GATB: variants seen among roughly 807,000 people sequenced by gnomAD.
GATB encodes the protein glutamyl-tRNA(Gln) amidotransferase subunit B, mitochondrial.
GATB carries 39 observed loss-of-function variants against 62.3 expected under a neutral mutation model. The ratio of observed to expected loss-of-function variants is 0.63; its 90% CI spans 0.48 to 0.82. GATB has a LOEUF of 0.82. GATB is among the 40% of genes least tolerant of loss of function. The probability of loss-of-function intolerance (pLI) is 0.00; values close to 1 mark genes in which losing one functional copy is unlikely to be tolerated. For synonymous variants in GATB, 276 were observed against 258.9 expected, an observed-to-expected ratio of 1.07 and a Z score of -0.63; for missense variants, 670 against 684.0, an observed-to-expected ratio of 0.98 and a Z score of 0.23.
chr4:151,752,396 C>A (rs540501602), intron 2 of GATB, among the ~76,000 whole-genome samples: 6 of 152,248 alleles, frequency 3.9e-5, no homozygotes, highest in African/African-American at 1.4e-4. Flanking sequence ...TTCCTTGACT[C>A]TGTTTTCTAT....
At chr4:151,698,658 TAAA>T (rs1362558686) in intron 9 of GATB, among the ~76,000 whole-genome samples, 14 of 152,334 alleles carry the variant, frequency 9.2e-5, no homozygotes, top group African/African-American at 3.4e-4. Flanking sequence ...TACAAAGTCA[TAAA>T]GGGCTCAGGC....
chr4:151,678,445 C>T (rs1057035343), intron 11 of GATB, among the ~76,000 whole-genome samples: 1 of 152,084 alleles, frequency 6.6e-6, no homozygotes, highest in Admixed American at 6.5e-5. Context: ...TCTTCTCTCT[C>T]TCTCTCTCTC....
chr4:151,758,315 A>G (rs1035316486), intron 2 of GATB, among the ~76,000 whole-genome samples: 1 of 152,150 alleles, frequency 6.6e-6, no homozygotes. Flanking sequence ...TCCTTAACCT[A>G]AAGTACCCCT....
chr4:151,673,014 C>T, intron 11 of GATB, 118 bp from the exon 12 acceptor site: 3 of 1,293,118 alleles, frequency 2.3e-6, no homozygotes, highest in Non-Finnish European at 3.2e-6. Context: ...AATTAAGTCC[C>T]CACTGCCTGG....
At chr4:151,759,241 C>T (rs1006220082) in intron 1 of GATB, among the ~76,000 whole-genome samples, 1 of 152,180 alleles carries the variant, frequency 6.6e-6, no homozygotes, top group Non-Finnish European at 1.5e-5. Flanking sequence ...CAGGTGACAA[C>T]TGCTTGGCTG....
chr4:151,758,111 CA>C (rs1739873814), intron 2 of GATB, among the ~76,000 whole-genome samples: 1 of 152,276 alleles, frequency 6.6e-6, no homozygotes, highest in Non-Finnish European at 1.5e-5. Context: ...TAACTCACTG[CA>C]TATTATGGCT....
At chr4:151,722,385 T>C (rs1254074195) in intron 2 of GATB, 2 of 573,978 alleles carry the variant, frequency 3.5e-6, no homozygotes, top group Non-Finnish European at 3.1e-6. Context: ...CTGCTAAAAT[T>C]GTGGATCTGT....
At chr4:151,685,385 A>G (rs1307504322) in intron 10 of GATB, among the ~76,000 whole-genome samples, 2 of 152,198 alleles carry the variant, frequency 1.3e-5, no homozygotes, top group Non-Finnish European at 2.9e-5. Context: ...CATCCCCCAC[A>G]CACTGCAGAG....
intron 10 of GATB, among the ~76,000 whole-genome samples, chr4:151,686,172 G>A (rs1261908076): frequency 1.3e-5 from 2 of 152,104 alleles, no homozygotes; most frequent in South Asian, 2.1e-4. Context: ...GGCTCACACC[G>A]AGGCCCACAA....
At chr4:151,748,931 G>A (rs937564210) in intron 2 of GATB, among the ~76,000 whole-genome samples, 38 of 152,344 alleles carry the variant, frequency 2.5e-4, no homozygotes, top group African/African-American at 9.1e-4. Flanking sequence ...CTGGCCATCA[G>A]AGAAATGCAA....
intron 11 of GATB, chr4:151,674,109 T>G (rs1224888124): frequency 6.6e-6 from 1 of 152,260 alleles, no homozygotes; most frequent in African/African-American, 2.4e-5. Flanking sequence ...TGGCAGGTCC[T>G]GGGTAAGCTC....
At position 151,670,994 on chromosome 4, in the gene GATB, C is replaced by CGGA. The variant is rs1560837236; in HGVS notation, c.*179_*180insTCC. The CGGA allele has an allele frequency of 1.4e-6, 1 of 701,984 alleles. No individual in the cohort carries two copies. Among genetic ancestry groups the CGGA allele is most frequent in the Admixed American group, 2.8e-5 (1 of 36,248 alleles). 43.5% of individuals were successfully genotyped at this position (701,984 alleles called of 1,614,324 possible). ...TGGCTGCTGGTCGGCTGTGGAGGCA[C>CGGA]CTCCAGGCACAGGGCCTAGAGGGTG... On this transcript the variant is annotated 3_prime_UTR_variant, in exon 13 of 13. Transcript: ENST00000263985.
intron 12 of GATB, among the ~76,000 whole-genome samples, chr4:151,672,101 G>A (rs1737881856): frequency 6.6e-6 from 1 of 152,114 alleles, no homozygotes; most frequent in Non-Finnish European, 1.5e-5. Context: ...CTGATGGGTG[G>A]GTGGGTATTA....
At chr4:151,687,839 G>A (rs772808722) in intron 10 of GATB, among the ~76,000 whole-genome samples, 6 of 152,170 alleles carry the variant, frequency 3.9e-5, no homozygotes, top group East Asian at 1.9e-4. Flanking sequence ...GCTGGCACCC[G>A]GATCCTGGAC....
intron 2 of GATB, among the ~76,000 whole-genome samples, chr4:151,728,955 C>T (rs954844003): frequency 1.3e-5 from 2 of 152,116 alleles, no homozygotes; most frequent in Non-Finnish European, 2.9e-5. Flanking sequence ...CCTAGAGATA[C>T]GTGCCATTTT....
intron 5 of GATB, among the ~76,000 whole-genome samples, chr4:151,711,874 G>A (rs1239077220): frequency 6.6e-6 from 1 of 152,166 alleles, no homozygotes; most frequent in African/African-American, 2.4e-5. Flanking sequence ...ACTGGTTTCT[G>A]TCTCACACTA....
At position 151,716,091 on chromosome 4, in the gene GATB, G is replaced by A; in HGVS notation, c.681C>T (p.Ser227=). 1.2e-6 allele frequency: 2 copies of A among 1,613,832 alleles called. No individual in the cohort carries two copies. Among genetic ancestry groups the A allele is most frequent in the Non-Finnish European group, 1.7e-6 (2 of 1,179,936 alleles). The part of the protein sequence containing the change: ...LLEVVLEPDM[S]CGEEAATAVR... ...CAGCTGTTGCCGCCTCTTCTCCACA[G>A]GACATGTCGGGCTCCAGGACCACCT... The change falls in exon 5 of 13, where the codon TCC becomes TCT. Residue 227 remains serine (S), a synonymous_variant. Transcript: ENST00000263985.
At chr4:151,744,144 G>A (rs1186407278) in intron 2 of GATB, among the ~76,000 whole-genome samples, 1 of 152,182 alleles carries the variant, frequency 6.6e-6, no homozygotes, top group African/African-American at 2.4e-5. Context: ...TCAAGAAAAG[G>A]TTGTCTTATG....
intron 10 of GATB, among the ~76,000 whole-genome samples, chr4:151,687,672 C>G (rs1230045324): frequency 1.3e-5 from 2 of 152,134 alleles, no homozygotes; most frequent in African/African-American, 4.8e-5. Flanking sequence ...TAGAAGAGGT[C>G]ACGAGGGTGT....
Sources: allele counts gnomAD v4.1 joint callset (sites outside exome capture counted in the v4.1 genomes callset), GRCh38; gene constraint gnomAD v4.1.1; transcripts MANE v1.5; gene names NCBI Gene and HGNC (gene_info 2026-07-23, HGNC 2026-07-21).